VPS35L: variants seen among roughly 807,000 people sequenced by gnomAD.
VPS35L encodes VPS35 endosomal protein sorting factor like.
In VPS35L, 83 loss-of-function variants were observed where a neutral mutation model predicts 133.0. That is an observed-to-expected ratio of 0.62 (90% CI 0.52 to 0.75). The LOEUF (loss-of-function observed/expected upper bound fraction) is 0.75. VPS35L is among the 30% of genes least tolerant of loss of function. The probability of loss-of-function intolerance (pLI) is 0.00; values close to 1 mark genes in which losing one functional copy is unlikely to be tolerated. For synonymous variants in VPS35L, 423 were observed against 449.9 expected, an observed-to-expected ratio of 0.94 and a Z score of 0.76; for missense variants, 1,083 against 1,206.8, an observed-to-expected ratio of 0.90 and a Z score of 1.52.
In VPS35L at chr16:19,608,958, C is replaced by T; in HGVS notation, c.882-16C>T. Reference sequence around the variant, plus strand: ...ACCTTCTGGAAAACATCTTCCTTAACAGGATGTTTTTGTAGTTACGTGGAG... The same window carrying T: ...ACCTTCTGGAAAACATCTTCCTTAATAGGATGTTTTTGTAGTTACGTGGAG... On this transcript the variant is annotated splice_polypyrimidine_tract_variant and intron_variant, in intron 10 of 30. Coordinates refer to ENST00000417362, the MANE Select transcript of VPS35L (RefSeq NM_020314.7). The T allele has an allele frequency of 1.9e-6, 3 of 1,610,962 alleles. No homozygotes were observed. The highest frequency in any genetic ancestry group is 2.5e-6 in the Non-Finnish European group (3 of 1,177,266).
chr16:19,667,562 C>T (rs1305029194), intron 26 of VPS35L, among the ~76,000 whole-genome samples: 2 of 151,874 alleles, frequency 1.3e-5, no homozygotes, highest in Non-Finnish European at 1.5e-5. Flanking sequence ...GGTGAAACCC[C>T]ATCTCTACAA....
At chr16:19,647,414 C>G (rs748042396) in intron 23 of VPS35L, among the ~76,000 whole-genome samples, 1 of 152,154 alleles carries the variant, frequency 6.6e-6, no homozygotes, top group African/African-American at 2.4e-5. Context: ...GGAAAAACTT[C>G]CATCTATGGC....
rs1382079055 is a variant in VPS35L at position 19,631,748 on chromosome 16, GC to G, written c.1555-1341del. ...TTGACAGACAGGATCTCACTCTGTTGCCCAGACTGGAGTCCAGTGGTGCAAT... is the reference window on the plus strand; with the variant it reads ...TTGACAGACAGGATCTCACTCTGTTGCCAGACTGGAGTCCAGTGGTGCAAT... On this transcript the variant is annotated intron_variant, in intron 18 of 30. Coordinates refer to ENST00000417362, the MANE Select transcript of VPS35L (RefSeq NM_020314.7). Among the ~76,000 whole-genome samples the G allele has an allele frequency of 2.6e-5, 4 of 152,162 alleles. No homozygotes were observed. In the East Asian group the frequency reaches 5.8e-4, roughly 22 times the overall value.
At chr16:19,652,166 G>A in intron 26 of VPS35L, 76 bp downstream of exon 26, 1 of 1,014,672 alleles carries the variant, frequency 9.9e-7, no homozygotes, top group Non-Finnish European at 1.5e-6. Context: ...GCGTATGTGT[G>A]TAGAGAGAGA....
intron 7 of VPS35L, among the ~76,000 whole-genome samples, chr16:19,587,014 C>T (rs911495993): frequency 6.6e-6 from 1 of 152,052 alleles, no homozygotes; most frequent in East Asian, 1.9e-4. Flanking sequence ...AGCATGGCTG[C>T]GGAGTCCTCA....
At chr16:19,620,876 A>G (rs1973057426) in intron 14 of VPS35L, among the ~76,000 whole-genome samples, 4 of 152,146 alleles carry the variant, frequency 2.6e-5, no homozygotes, top group Admixed American at 6.6e-5. Context: ...ACTTGAACCC[A>G]GGAGGTGGAG....
intron 7 of VPS35L, among the ~76,000 whole-genome samples, chr16:19,582,555 A>G (rs1392047153): frequency 2.6e-5 from 4 of 152,094 alleles, no homozygotes; most frequent in Admixed American, 2.0e-4. Context: ...CTCTTCAATC[A>G]CTGTTGTTAG....
rs777269765 is a variant in VPS35L, at chr16:19,591,800, T to G, written c.650T>G (p.Leu217Arg). 1 of 1,612,128 alleles carries G rather than the reference T, an allele frequency of 6.2e-7. No homozygotes were observed. Among genetic ancestry groups the G allele is most frequent in the Non-Finnish European group, 8.5e-7 (1 of 1,178,394 alleles). Residue 217 changes from leucine (L) to arginine (R), a missense_variant, in exon 8 of 31, where the codon CTT becomes CGT. Leu to Arg is a moderately radical substitution (Grantham distance 102). Transcript: ENST00000417362. ...ALKIVIQCSK[L>R]LSDTSVIQFY... The stretch of plus-strand genomic sequence containing the variant: ...TTTCTCTTTTTTTAGTGTTCAAAGC[T>G]TCTTTCAGACACCAGTGTTATTCAG...
At chr16:19,637,874 T>C (rs1973669911) in intron 20 of VPS35L, among the ~76,000 whole-genome samples, 1 of 151,864 alleles carries the variant, frequency 6.6e-6, no homozygotes, top group African/African-American at 2.4e-5. Context: ...ATATTATTTC[T>C]GTTTCATTCC....
At chr16:19,590,624 T>C (rs1972014703) in intron 7 of VPS35L, among the ~76,000 whole-genome samples, 1 of 152,124 alleles carries the variant, frequency 6.6e-6, no homozygotes, top group African/African-American at 2.4e-5. Context: ...TCCTGAACGC[T>C]AAATAGCAGA....
intron 26 of VPS35L, among the ~76,000 whole-genome samples, chr16:19,665,382 G>A (rs916415428): frequency 2.0e-5 from 3 of 152,010 alleles, no homozygotes; most frequent in African/African-American, 7.2e-5. Flanking sequence ...TGTCTCCATG[G>A]GTTCAATTGT....
intron 2 of VPS35L, chr16:19,569,127 A>AT (rs1971280019): frequency 3.6e-6 from 2 of 557,576 alleles, no homozygotes; most frequent in Admixed American, 4.8e-5. Context: ...ATTGAGTTGG[A>AT]TTTTGGTTTG....
intron 1 of VPS35L, among the ~76,000 whole-genome samples, chr16:19,557,447 G>A (rs1162903547): frequency 6.6e-6 from 1 of 152,102 alleles, no homozygotes; most frequent in Admixed American, 6.5e-5. Context: ...TTGCAGTGGC[G>A]TGATCTTGGC....
rs12922746 is a variant in VPS35L, at chr16:19,686,426, T to G, written c.2527+4036T>G. On this transcript the variant is annotated intron_variant, in intron 28 of 30. Coordinates refer to ENST00000417362, the MANE Select transcript of VPS35L (RefSeq NM_020314.7). ...GCATGTTTGATGTAGAAGTGAAGAA[T>G]AGTCTTGGATCCTCAATGTTTATGT... 1.9e-3 allele frequency among the ~76,000 whole-genome samples: 283 copies of G among 152,316 alleles called. 1 individual carries two copies. Among genetic ancestry groups the G allele is most frequent in the African/African-American group, 6.6e-3 (276 of 41,570 alleles).
At position 19,633,860 on chromosome 16, in the gene VPS35L, G is replaced by A. The variant is rs1408434416; in HGVS notation, c.1635+688G>A. ...TTCTGTCTCAGCCTTCCGAGTAGCT[G>A]GGACTACAGGGGCGTGCCACCACGC... On this transcript the variant is annotated intron_variant, in intron 19 of 30. Transcript: ENST00000417362. This position sits in a 1 kb window ranked among gnomAD's most constrained non-coding sequence, Gnocchi z 4.1. 6.6e-6 allele frequency among the ~76,000 whole-genome samples: 1 copy of A among 152,042 alleles called. No homozygotes were observed. The highest frequency in any genetic ancestry group is 1.5e-5 in the Non-Finnish European group (1 of 68,018).
rs192781439 is a variant in VPS35L, at chr16:19,667,520, G to A, written c.2222-1640G>A. Reference sequence around the variant, plus strand: ...AGGCCGAGTCAGGCAGATCGCTTGAGCTCAGGAGTTTGGGACCAGCTTGGG... The same window carrying A: ...AGGCCGAGTCAGGCAGATCGCTTGAACTCAGGAGTTTGGGACCAGCTTGGG... On this transcript the variant is annotated intron_variant, in intron 26 of 30. Transcript: ENST00000417362. Among the ~76,000 whole-genome samples, 302 of 152,210 alleles carry A rather than the reference G, an allele frequency of 2.0e-3. 4 individuals carry two copies. Among genetic ancestry groups the A allele is most frequent in the Non-Finnish European group, 2.5e-3 (171 of 67,996 alleles).
Position 19,700,555 on chromosome 16 carries a change from G to A in VPS35L, c.*79G>A. 3 of 1,202,560 alleles carry A rather than the reference G, an allele frequency of 2.5e-6. 1 individual carries two copies. In the South Asian group the frequency reaches 3.9e-5, roughly 15 times the overall value. 74.5% of individuals were successfully genotyped at this position (1,202,560 alleles called of 1,614,324 possible). A position where few individuals can be genotyped will look rare whatever the true frequency, so the allele number is the denominator to read the frequency against. On this transcript the variant is annotated 3_prime_UTR_variant, in exon 31 of 31. Coordinates refer to ENST00000417362, the MANE Select transcript of VPS35L (RefSeq NM_020314.7). The stretch of plus-strand genomic sequence containing the variant: ...TGCTCTGCTGCCCTGAACTCTTACG[G>A]CAATTTAGGTTTCTCATTTTTCTTT...
intron 14 of VPS35L, among the ~76,000 whole-genome samples, chr16:19,622,447 G>A (rs1437966949): frequency 6.6e-6 from 1 of 151,664 alleles, no homozygotes; most frequent in African/African-American, 2.4e-5. Flanking sequence ...CGGCCCCCAC[G>A]TATATCAAAA....
intron 3 of VPS35L, among the ~76,000 whole-genome samples, chr16:19,571,454 C>T (rs1404585289): frequency 6.6e-6 from 1 of 152,128 alleles, no homozygotes; most frequent in Non-Finnish European, 1.5e-5. Context: ...TGGGCACAAG[C>T]AATCCTCCTG....
Sources: allele counts gnomAD v4.1 joint callset (sites outside exome capture counted in the v4.1 genomes callset), GRCh38; gene constraint gnomAD v4.1.1; non-coding constraint Gnocchi (gnomAD v3.1); transcripts MANE v1.5; gene names NCBI Gene and HGNC (gene_info 2026-07-23, HGNC 2026-07-21).